Variants in ZC4H2 observed in about 807,000 individuals in gnomAD.
ZC4H2 encodes the protein zinc finger C4H2 domain-containing protein.
For missense variants in ZC4H2, 137 were observed against 173.9 expected, an observed-to-expected ratio of 0.79 and a Z score of 1.19; for synonymous variants, 84 against 66.3, an observed-to-expected ratio of 1.27 and a Z score of -1.30.
At chrX:64,948,064 A>C (rs767194499) in intron 1 of ZC4H2, among the ~76,000 whole-genome samples, 18 of 111,407 alleles carry the variant, frequency 1.6e-4, no homozygotes, top group Non-Finnish European at 2.8e-4. Context: ...CTGAGTGAAC[A>C]AGCAAGGTAA....
rs955796449 is a variant in ZC4H2, at chrX:64,917,574, T to C, written c.*209A>G. On this transcript the variant is annotated 3_prime_UTR_variant, in exon 5 of 5. Coordinates refer to ENST00000374839, the MANE Select transcript of ZC4H2 (RefSeq NM_018684.4). Reference sequence around the variant, plus strand: ...GGAGAGAAGGGATCATCAGACACACTGTTTAGCACCTGAACCACATCTCTT... The same window carrying C: ...GGAGAGAAGGGATCATCAGACACACCGTTTAGCACCTGAACCACATCTCTT... The C allele has an allele frequency of 4.3e-6, 2 of 463,315 alleles. No individual in the cohort carries two copies. The highest frequency in any genetic ancestry group is 6.9e-6 in the Non-Finnish European group (2 of 290,297). 38.2% of individuals were successfully genotyped at this position (463,315 alleles called of 1,213,427 possible). A position where few individuals can be genotyped will look rare whatever the true frequency, so the allele number is the denominator to read the frequency against.
intron 3 of ZC4H2, chrX:64,919,780 A>G: frequency 3.9e-6 from 1 of 257,823 alleles, no homozygotes; most frequent in Non-Finnish European, 6.9e-6. Context: ...AGAGTTATAG[A>G]CATAGTCTTG....
At position 64,936,488 on chromosome X, in the gene ZC4H2, G is replaced by A. The variant is rs771618234; in HGVS notation, c.54-14500C>T. On this transcript the variant is annotated intron_variant, in intron 1 of 4. Coordinates refer to ENST00000374839, the MANE Select transcript of ZC4H2 (RefSeq NM_018684.4). The stretch of plus-strand genomic sequence containing the variant: ...TATAATCATCAGATTCACCAAGGTT[G>A]AAACAAAGGAAAAAATGTTAAGGGA... Among the ~76,000 whole-genome samples the A allele has an allele frequency of 3.6e-5, 4 of 111,549 alleles. No homozygotes were observed. In the East Asian group the frequency reaches 1.1e-3, roughly 32 times the overall value.
intron 1 of ZC4H2, among the ~76,000 whole-genome samples, chrX:64,991,431 A>G (rs1180831104): frequency 9.0e-6 from 1 of 111,427 alleles, no homozygotes; most frequent in Admixed American, 9.5e-5. Flanking sequence ...TACAAAGTGG[A>G]GGGGTGCAGT....
At chrX:64,922,015 G>T in intron 1 of ZC4H2, 27 bp from the exon 2 acceptor site, 1 of 1,203,736 alleles carries the variant, frequency 8.3e-7, no homozygotes, top group South Asian at 1.8e-5. Flanking sequence ...GCAGGAAACA[G>T]GCCAGCAAAA....
At chrX:64,932,289 G>T (rs1350081912) in intron 1 of ZC4H2, among the ~76,000 whole-genome samples, 1 of 110,925 alleles carries the variant, frequency 9.0e-6, no homozygotes, top group African/African-American at 3.3e-5. Flanking sequence ...ACACATACTT[G>T]GTTGGTGGTT....
intron 1 of ZC4H2, among the ~76,000 whole-genome samples, chrX:65,000,240 G>T (rs928461027): frequency 9.8e-5 from 11 of 112,074 alleles, no homozygotes; most frequent in African/African-American, 3.6e-4. Context: ...AGCTTCCAGA[G>T]GAAGGAACAC....
chrX:65,026,880 T>C (rs1932885035), intron 1 of ZC4H2, among the ~76,000 whole-genome samples: 1 of 112,098 alleles, frequency 8.9e-6, no homozygotes, highest in South Asian at 3.7e-4. Flanking sequence ...CCTCATCTTT[T>C]ATAGCAGACC....
At chrX:64,990,973 TA>T (rs766615740) in intron 1 of ZC4H2, among the ~76,000 whole-genome samples, 6 of 111,933 alleles carry the variant, frequency 5.4e-5, no homozygotes, top group Non-Finnish European at 1.1e-4. Context: ...CAGAGGCACA[TA>T]GGGGCAAAGA....
chrX:64,918,811 G>A (rs1339405241), intron 4 of ZC4H2: 7 of 306,485 alleles, frequency 2.3e-5, no homozygotes, highest in Non-Finnish European at 3.9e-5. Context: ...ACTCTAGCAG[G>A]GCCTGAAAAT....
In ZC4H2 at chrX:64,952,507, A is replaced by G. The variant is rs1930903366; in HGVS notation, c.53+23818T>C. ...AAACCAATGTGCAAAAATCACAAGC[A>G]TTCTTATACACCAATAACAGACAAA... On this transcript the variant is annotated intron_variant, in intron 1 of 4. Transcript: ENST00000374839. 2.7e-5 allele frequency among the ~76,000 whole-genome samples: 3 copies of G among 110,994 alleles called. No individual in the cohort carries two copies. The Admixed American group carries it at 2.9e-4, about 11-fold the overall frequency.
chrX:64,978,749 T>A (rs1221500699), upstream of ZC4H2, among the ~76,000 whole-genome samples: 1 of 110,779 alleles, frequency 9.0e-6, no homozygotes, highest in Non-Finnish European at 1.9e-5. Context: ...AAAAAAAATA[T>A]ATATATATAG....
At chrX:64,954,044 C>G (rs1344316550) in intron 1 of ZC4H2, among the ~76,000 whole-genome samples, 2 of 107,783 alleles carry the variant, frequency 1.9e-5, no homozygotes, top group African/African-American at 6.8e-5. Flanking sequence ...TGGAAACCAT[C>G]ATTCTCAGCA....
intron 1 of ZC4H2, among the ~76,000 whole-genome samples, chrX:65,020,409 AC>A (rs1932828233): frequency 8.9e-6 from 1 of 112,080 alleles, no homozygotes; most frequent in Admixed American, 9.5e-5. Flanking sequence ...AGAATTTTCA[AC>A]CCAGAATTTC....
rs1010896434 is a variant in ZC4H2, at chrX:64,921,357, C to T, written c.225+460G>A. ...ACCACCTTAGCAGACAGTTCATATT[C>T]TGTGTTCCAAGAGTTTCCAAAGGAT... On this transcript the variant is annotated intron_variant, in intron 2 of 4. Coordinates refer to ENST00000374839, the MANE Select transcript of ZC4H2 (RefSeq NM_018684.4). Among the ~76,000 whole-genome samples, 3 of 111,596 alleles carry T rather than the reference C, an allele frequency of 2.7e-5. No individual in the cohort carries two copies. The Admixed American group carries it at 2.8e-4, about 11-fold the overall frequency.
At chrX:64,949,458 CA>C (rs771846586) in intron 1 of ZC4H2, among the ~76,000 whole-genome samples, 8 of 111,351 alleles carry the variant, frequency 7.2e-5, no homozygotes, top group African/African-American at 2.6e-4. Flanking sequence ...ATGGCCTTCC[CA>C]AAATCAAATT....
At chrX:64,984,678 A>G (rs1173572130) in intron 1 of ZC4H2, among the ~76,000 whole-genome samples, 1 of 111,811 alleles carries the variant, frequency 8.9e-6, no homozygotes, top group Non-Finnish European at 1.9e-5. Flanking sequence ...TCTTGTGACC[A>G]CTGGCTGCAT....
chrX:65,024,118 G>A (rs1569233352), intron 1 of ZC4H2, among the ~76,000 whole-genome samples: 4 of 109,789 alleles, frequency 3.6e-5, no homozygotes, highest in Non-Finnish European at 7.6e-5. Flanking sequence ...GGGTGGGGGG[G>A]CACTAGGGGA....
chrX:64,979,209 T>C (rs1932037521), upstream of ZC4H2, among the ~76,000 whole-genome samples: 1 of 111,931 alleles, frequency 8.9e-6, no homozygotes, highest in African/African-American at 3.3e-5. Context: ...GCTCTTCCTA[T>C]GGCCCCATGC....
Sources: allele counts gnomAD v4.1 joint callset (sites outside exome capture counted in the v4.1 genomes callset), GRCh38; gene constraint gnomAD v4.1.1; transcripts MANE v1.5; gene names NCBI Gene and HGNC (gene_info 2026-07-23, HGNC 2026-07-21).